Variants in CCSER1 observed in about 807,000 individuals in gnomAD.
The protein encoded by CCSER1 is coiled-coil serine rich protein 1.
CCSER1 carries 41 observed loss-of-function variants against 82.0 expected under a neutral mutation model. The ratio of observed to expected loss-of-function variants is 0.50; its 90% CI spans 0.39 to 0.65. CCSER1 has a LOEUF of 0.65. Ranked by LOEUF, CCSER1 falls within the 30% of genes least tolerant of loss-of-function variation. The pLI, the probability that CCSER1 is intolerant of heterozygous loss-of-function variation, is 0.00. For synonymous variants in CCSER1, 414 were observed against 383.9 expected, an observed-to-expected ratio of 1.08 and a Z score of -0.92; for missense variants, 1,119 against 1,064.2, an observed-to-expected ratio of 1.05 and a Z score of -0.72.
intron 1 of CCSER1, among the ~76,000 whole-genome samples, chr4:90,207,407 A>C (rs1739073150): frequency 6.6e-6 from 1 of 151,914 alleles, no homozygotes; most frequent in Admixed American, 6.6e-5. Context: ...CCTTTTTTCA[A>C]GGTTCTTAGC....
chr4:90,995,019 C>T (rs1013365446), intron 9 of CCSER1, among the ~76,000 whole-genome samples: 1 of 152,162 alleles, frequency 6.6e-6, no homozygotes, highest in Non-Finnish European at 1.5e-5. Flanking sequence ...ACATGCTTTC[C>T]ATTCTGCACT....
At chr4:90,649,039 AG>A (rs1728238239) in intron 6 of CCSER1, among the ~76,000 whole-genome samples, 1 of 152,202 alleles carries the variant, frequency 6.6e-6, no homozygotes, top group Admixed American at 6.5e-5. Flanking sequence ...ATAAGAAAAC[AG>A]GGGCAATGCT....
intron 8 of CCSER1, among the ~76,000 whole-genome samples, chr4:90,903,987 A>C (rs1041861577): frequency 5.3e-5 from 8 of 151,760 alleles, no homozygotes; most frequent in African/African-American, 1.7e-4. Flanking sequence ...AAAATTAATA[A>C]TTTTTTTTGA....
chr4:90,959,520 T>G (rs893869336), intron 9 of CCSER1, among the ~76,000 whole-genome samples: 2 of 152,240 alleles, frequency 1.3e-5, no homozygotes, highest in African/African-American at 4.8e-5. Context: ...TATTTAAAAC[T>G]TACTATATAT....
At chr4:91,595,943 T>TAAAAAA (rs1170927227) in intron 10 of CCSER1, among the ~76,000 whole-genome samples, 3 of 78,884 alleles carry the variant, frequency 3.8e-5, no homozygotes, top group African/African-American at 1.6e-4. Flanking sequence ...ACAGAGAACT[T>TAAAAAA]AAAAAAAAAA....
At chr4:91,364,654 A>G (rs1221752117) in intron 10 of CCSER1, among the ~76,000 whole-genome samples, 1 of 152,088 alleles carries the variant, frequency 6.6e-6, no homozygotes, top group East Asian at 1.9e-4. Context: ...TTAAAATTTT[A>G]TTAAGTCTTT....
chr4:91,102,642 A>G (rs79851287), intron 10 of CCSER1, among the ~76,000 whole-genome samples: 1,684 of 152,334 alleles, frequency 0.011, 29 homozygotes, highest in African/African-American at 0.037. Context: ...AAGGCAAAAA[A>G]CAAATGATAA....
intron 5 of CCSER1, among the ~76,000 whole-genome samples, chr4:90,470,763 A>C (rs1276748080): frequency 1.3e-5 from 1 of 76,370 alleles, no homozygotes; most frequent in Non-Finnish European, 2.1e-5. Context: ...TAATCAAAGC[A>C]AAAAAAAAAA....
intron 10 of CCSER1, among the ~76,000 whole-genome samples, chr4:91,104,715 G>T (rs899960775): frequency 1.3e-5 from 2 of 152,112 alleles, no homozygotes; most frequent in East Asian, 3.9e-4. Flanking sequence ...TTTTATGCCA[G>T]CTCAAAATCA....
chr4:90,262,759 T>C (rs958825138), intron 1 of CCSER1, among the ~76,000 whole-genome samples: 2 of 152,102 alleles, frequency 1.3e-5, no homozygotes, highest in Admixed American at 6.5e-5. Context: ...GAAATCTGTC[T>C]ACCTCCCAGC....
At chr4:91,132,189 C>A (rs1728056693) in intron 10 of CCSER1, among the ~76,000 whole-genome samples, 1 of 151,876 alleles carries the variant, frequency 6.6e-6, no homozygotes, top group Non-Finnish European at 1.5e-5. Context: ...GCTTGTTGTT[C>A]TATTAAAGAA....
chr4:91,122,570 A>G (rs1727181342), intron 10 of CCSER1, among the ~76,000 whole-genome samples: 1 of 151,836 alleles, frequency 6.6e-6, no homozygotes, highest in Non-Finnish European at 1.5e-5. Flanking sequence ...TAGAAAAAGG[A>G]AAAACCTATT....
intron 10 of CCSER1, among the ~76,000 whole-genome samples, chr4:91,406,996 C>T (rs898854870): frequency 6.6e-6 from 1 of 152,146 alleles, no homozygotes; most frequent in African/African-American, 2.4e-5. Flanking sequence ...AGACAATCCT[C>T]ACTGTAAGTA....
chr4:90,594,916 T>C (rs1050776982), intron 5 of CCSER1, among the ~76,000 whole-genome samples: 2 of 152,002 alleles, frequency 1.3e-5, no homozygotes, highest in African/African-American at 4.8e-5. Context: ...CAGGGAAGCA[T>C]TGAGGATTTA....
chr4:91,314,236 A>G, intron 10 of CCSER1, among the ~76,000 whole-genome samples: 1 of 151,948 alleles, frequency 6.6e-6, no homozygotes, highest in East Asian at 1.9e-4. Context: ...AAGTGTCTAT[A>G]GTCAGTGACC....
At chr4:90,722,176 A>G (rs887330754) in intron 6 of CCSER1, among the ~76,000 whole-genome samples, 3 of 151,780 alleles carry the variant, frequency 2.0e-5, no homozygotes, top group Non-Finnish European at 4.4e-5. Flanking sequence ...AGGCTTTTCA[A>G]TTTTTACAAA....
At chr4:90,831,831 A>G (rs942419246) in intron 8 of CCSER1, among the ~76,000 whole-genome samples, 1 of 151,990 alleles carries the variant, frequency 6.6e-6, no homozygotes, top group African/African-American at 2.4e-5. Flanking sequence ...AGAGAAGAGG[A>G]AAAAATTATG....
intron 10 of CCSER1, among the ~76,000 whole-genome samples, chr4:91,516,476 T>C (rs749096762): frequency 1.4e-4 from 22 of 152,186 alleles, no homozygotes; most frequent in Non-Finnish European, 2.8e-4. Context: ...CCTTTCTCCA[T>C]TGCTTGTTTT....
At chr4:90,921,679 A>C (rs961016736) in intron 8 of CCSER1, among the ~76,000 whole-genome samples, 1 of 152,010 alleles carries the variant, frequency 6.6e-6, no homozygotes, top group Non-Finnish European at 1.5e-5. Flanking sequence ...CTTGAAATAG[A>C]AATGTGAGCT....
Sources: gnomAD v4.1 joint callset for allele counts (sites outside exome capture counted in the v4.1 genomes callset) on GRCh38, gnomAD v4.1.1 for gene constraint, MANE v1.5 for transcripts, NCBI Gene and HGNC (gene_info 2026-07-23, HGNC 2026-07-21) for gene names.